Variants in STPG2 observed in about 807,000 individuals in gnomAD.
The protein encoded by STPG2 is sperm-tail PG-rich repeat-containing protein 2.
In STPG2, 56 loss-of-function variants were observed where a neutral mutation model predicts 54.2. The observed-to-expected ratio is 1.03, with a 90% CI of 0.83 to 1.29. The LOEUF (loss-of-function observed/expected upper bound fraction) is 1.29, where lower values mean the gene tolerates loss of function less well. STPG2 is among the 50% of genes most tolerant of loss of function. The probability of loss-of-function intolerance (pLI) is 0.00; values close to 1 mark genes in which losing one functional copy is unlikely to be tolerated. For synonymous variants in STPG2, 200 were observed against 181.8 expected (o/e 1.10, Z -0.81); for missense variants, 596 against 544.9 (o/e 1.09, Z -0.93).
At chr4:97,775,070 T>C (rs1432681179) in intron 9 of STPG2, among the ~76,000 whole-genome samples, 3 of 152,282 alleles carry the variant, frequency 2.0e-5, no homozygotes, top group East Asian at 1.9e-4. Context: ...TTACCGGAAA[T>C]TGAAATGTAG....
rs115663633 is a variant in STPG2, at chr4:97,694,044, C to T, written c.1320+18655G>A. Reference sequence around the variant, plus strand: ...TGAAAAGAAAGTTCATAGCATCAAACACCTACATCAAAAAGTCTTAAAGAG... The same window carrying T: ...TGAAAAGAAAGTTCATAGCATCAAATACCTACATCAAAAAGTCTTAAAGAG... On this transcript the variant is annotated intron_variant, in intron 10 of 10. Transcript: ENST00000295268. Among the ~76,000 whole-genome samples the T allele has an allele frequency of 6.9e-3, 1,046 of 152,118 alleles. 13 individuals are homozygous for T. Among genetic ancestry groups the T allele is most frequent in the African/African-American group, 0.024 (990 of 41,482 alleles).
chr4:98,022,266 T>G (rs1309080991), intron 5 of STPG2, among the ~76,000 whole-genome samples: 4 of 151,682 alleles, frequency 2.6e-5, no homozygotes, highest in African/African-American at 9.7e-5. Flanking sequence ...TTATTTCTCC[T>G]TCACTTATGA....
intron 8 of STPG2, among the ~76,000 whole-genome samples, chr4:97,893,695 G>A (rs1410836568): frequency 6.6e-6 from 1 of 152,008 alleles, no homozygotes; most frequent in Non-Finnish European, 1.5e-5. Context: ...TTCAGAGTTA[G>A]GAAGTAAATT....
rs149498431 is a variant in STPG2, at chr4:97,699,867, C to T, written c.1320+12832G>A. 2.9e-3 allele frequency among the ~76,000 whole-genome samples: 438 copies of T among 152,312 alleles called. 5 individuals are homozygous for T. Among genetic ancestry groups the T allele is most frequent in the African/African-American group, 9.8e-3 (407 of 41,572 alleles). ...GACCATGGGCATTTGAGCACTTCCTCATGTAACTTACTTGTGCTTTCAGGA... is the reference window on the plus strand; with the variant it reads ...GACCATGGGCATTTGAGCACTTCCTTATGTAACTTACTTGTGCTTTCAGGA... On this transcript the variant is annotated intron_variant, in intron 10 of 10. Coordinates refer to ENST00000295268, the MANE Select transcript of STPG2 (RefSeq NM_174952.3).
chr4:97,910,164 C>T (rs932884261), intron 8 of STPG2, among the ~76,000 whole-genome samples: 3 of 152,122 alleles, frequency 2.0e-5, no homozygotes, highest in Non-Finnish European at 4.4e-5. Context: ...AGGTACTGTA[C>T]TAACAAGGTG....
chr4:97,870,420 C>CAT (rs1409685243), intron 8 of STPG2, among the ~76,000 whole-genome samples: 1 of 151,178 alleles, frequency 6.6e-6, no homozygotes, highest in African/African-American at 2.4e-5. Context: ...AACAAAACTA[C>CAT]ATATATGAAA....
At chr4:97,569,524 G>C (rs1401990139) in intron 10 of STPG2, among the ~76,000 whole-genome samples, 1 of 151,862 alleles carries the variant, frequency 6.6e-6, no homozygotes, top group East Asian at 1.9e-4. Context: ...GAATCGCCTC[G>C]ATTCAAAGGC....
intron 7 of STPG2, among the ~76,000 whole-genome samples, chr4:97,954,581 C>A (rs551457596): frequency 1.3e-5 from 2 of 152,206 alleles, no homozygotes; most frequent in African/African-American, 4.8e-5. Flanking sequence ...GATAGAAGGA[C>A]CCTCAAAAAC....
chr4:97,600,854 A>AATTTC (rs1372736230), intron 10 of STPG2, among the ~76,000 whole-genome samples: 10 of 152,130 alleles, frequency 6.6e-5, no homozygotes, highest in African/African-American at 2.4e-4. Context: ...AGCTAATCTG[A>AATTTC]ATTTCCAGGA....
At chr4:97,670,320 T>C (rs1722660700) in intron 10 of STPG2, among the ~76,000 whole-genome samples, 1 of 152,192 alleles carries the variant, frequency 6.6e-6, no homozygotes, top group Non-Finnish European at 1.5e-5. Context: ...AAATCAAATA[T>C]ATTTCCTAGC....
At chr4:97,534,012 T>C (rs75070840) in intron 4 of STPG2, among the ~76,000 whole-genome samples, 8,724 of 152,254 alleles carry the variant, frequency 0.057, 316 homozygotes, top group Admixed American at 0.12. Flanking sequence ...TGAACTATTT[T>C]ACATTCCTAC....
chr4:98,125,249 A>C (rs1739796785), intron 3 of STPG2, among the ~76,000 whole-genome samples: 1 of 152,162 alleles, frequency 6.6e-6, no homozygotes, highest in African/African-American at 2.4e-5. Context: ...GGAGGAGAAA[A>C]GGCATGGTGG....
chr4:97,463,388 G>A (rs918507571), intron 4 of STPG2, among the ~76,000 whole-genome samples: 2 of 152,062 alleles, frequency 1.3e-5, no homozygotes, highest in East Asian at 3.9e-4. Context: ...TAGTAGAAAG[G>A]ATATTAGAGA....
chr4:97,906,557 C>A (rs9684842), intron 8 of STPG2, among the ~76,000 whole-genome samples: 24,647 of 151,964 alleles, frequency 0.16, 2,169 homozygotes, highest in East Asian at 0.36. Flanking sequence ...GGCAGAGACA[C>A]AACCAAAAAA....
intron 9 of STPG2, among the ~76,000 whole-genome samples, chr4:97,713,182 T>C (rs915410071): frequency 3.3e-5 from 5 of 152,160 alleles, no homozygotes; most frequent in Non-Finnish European, 7.3e-5. Flanking sequence ...ACAAATGGGA[T>C]TTAAAGAAGC....
chr4:98,050,753 C>A (rs1328406631), intron 5 of STPG2, among the ~76,000 whole-genome samples: 2 of 152,134 alleles, frequency 1.3e-5, no homozygotes, highest in African/African-American at 2.4e-5. Context: ...CGCCTGTAAT[C>A]CCAGCACTTT....
chr4:97,844,170 G>A (rs559551826), intron 8 of STPG2, among the ~76,000 whole-genome samples: 17 of 151,746 alleles, frequency 1.1e-4, no homozygotes, highest in South Asian at 8.3e-4. Flanking sequence ...ATGAAATTTC[G>A]TATACTCTCT....
intron 8 of STPG2, among the ~76,000 whole-genome samples, chr4:97,929,982 C>A (rs1371304570): frequency 6.6e-6 from 1 of 152,142 alleles, no homozygotes; most frequent in African/African-American, 2.4e-5. Flanking sequence ...TCACTGCAAC[C>A]TCCACCTCCC....
chr4:97,925,750 T>A (rs1732310566), intron 8 of STPG2, among the ~76,000 whole-genome samples: 1 of 152,188 alleles, frequency 6.6e-6, no homozygotes. Context: ...GTTTTTACTA[T>A]CTTCAGGATC....
Sources: allele counts gnomAD v4.1 joint callset (sites outside exome capture counted in the v4.1 genomes callset), GRCh38; gene constraint gnomAD v4.1.1; transcripts MANE v1.5; gene names NCBI Gene and HGNC (gene_info 2026-07-23, HGNC 2026-07-21).